ANKFN1: variants seen among roughly 807,000 people sequenced by gnomAD.
The protein encoded by ANKFN1 is ankyrin repeat and fibronectin type-III domain-containing protein 1.
ANKFN1 carries 74 observed loss-of-function variants against 108.7 expected under a neutral mutation model. That is an observed-to-expected ratio of 0.68 (90% CI 0.56 to 0.83). The LOEUF (loss-of-function observed/expected upper bound fraction) is 0.83, where lower values mean the gene tolerates loss of function less well. ANKFN1 is among the 40% of genes least tolerant of loss of function. The pLI, the probability that ANKFN1 is intolerant of heterozygous loss-of-function variation, is 0.00. For synonymous variants in ANKFN1, 547 were observed against 516.2 expected, an observed-to-expected ratio of 1.06 and a Z score of -0.81; for missense variants, 1,505 against 1,382.3, an observed-to-expected ratio of 1.09 and a Z score of -1.41.
At position 56,488,944 on chromosome 17, in the gene ANKFN1, C is replaced by T. The variant is rs190016302; in HGVS notation, c.2261-3243C>T. ...CATTTATTTTGTATCAGGTATGTGC[C>T]ATATGCTGTGCTGGGCACTTTATAT... On this transcript the variant is annotated intron_variant, in intron 18 of 20. Coordinates refer to ENST00000682825, the MANE Select transcript of ANKFN1 (RefSeq NM_001370326.1). 2.0e-3 allele frequency among the ~76,000 whole-genome samples: 309 copies of T among 152,304 alleles called. 1 individual carries two copies. Among genetic ancestry groups the T allele is most frequent in the African/African-American group, 6.8e-3 (283 of 41,562 alleles).
chr17:56,167,983 A>G (rs994904686), intron 1 of ANKFN1, among the ~76,000 whole-genome samples: 4 of 152,266 alleles, frequency 2.6e-5, no homozygotes, highest in African/African-American at 9.6e-5. Flanking sequence ...TGTCTGATGA[A>G]TAGGCAGGCG....
rs568079934 is a variant in ANKFN1, at chr17:56,492,357, ATTGT to A, written c.2427+10_2427+13del. ...GCAAGTTTTAGATTTCATTCAGGTA[ATTGT>A]TTGTTCCTTCTGGGGTAAAAGGAAG... On this transcript the variant is annotated splice_donor_5th_base_variant and intron_variant, in intron 19 of 20. Coordinates refer to ENST00000682825, the MANE Select transcript of ANKFN1 (RefSeq NM_001370326.1). The A allele has an allele frequency of 2.2e-4, 155 of 701,604 alleles. No individual in the cohort carries two copies. Among genetic ancestry groups the A allele is most frequent in the Non-Finnish European group, 3.5e-4 (135 of 383,938 alleles). 43.5% of individuals were successfully genotyped at this position (701,604 alleles called of 1,614,324 possible).
chr17:56,331,494 T>C (rs1412633206), intron 4 of ANKFN1, among the ~76,000 whole-genome samples: 2 of 152,010 alleles, frequency 1.3e-5, no homozygotes. Flanking sequence ...AAACATGAAC[T>C]CTGGAGGTGC....
At chr17:56,385,879 T>C (rs2047250987) in intron 8 of ANKFN1, among the ~76,000 whole-genome samples, 1 of 152,038 alleles carries the variant, frequency 6.6e-6, no homozygotes, top group Admixed American at 6.5e-5. Context: ...GGTGGGACTG[T>C]AAACTAGTTC....
chr17:56,288,782 A>G (rs1182060413), intron 3 of ANKFN1, among the ~76,000 whole-genome samples: 1 of 152,098 alleles, frequency 6.6e-6, no homozygotes, highest in Non-Finnish European at 1.5e-5. Context: ...CTACCACACC[A>G]TGGTTTATGA....
intron 4 of ANKFN1, among the ~76,000 whole-genome samples, chr17:56,338,314 C>T (rs1379428314): frequency 2.0e-5 from 3 of 151,904 alleles, no homozygotes; most frequent in Non-Finnish European, 4.4e-5. Context: ...GGGTGGGGAG[C>T]TGGGGGAGGG....
At chr17:56,086,899 G>C (rs1479202696) in intron 4 of ANKFN1, among the ~76,000 whole-genome samples, 1 of 151,334 alleles carries the variant, frequency 6.6e-6, no homozygotes, top group Non-Finnish European at 1.5e-5. Flanking sequence ...TAGGAATTTA[G>C]CATGAATTAT....
chr17:56,365,627 A>G (rs2046640788), intron 6 of ANKFN1, among the ~76,000 whole-genome samples: 1 of 152,216 alleles, frequency 6.6e-6, no homozygotes, highest in African/African-American at 2.4e-5. Context: ...TCACATGCAC[A>G]TAACATTTCA....
chr17:56,141,159 T>G (rs1312852237), intron 4 of ANKFN1, among the ~76,000 whole-genome samples: 1 of 152,198 alleles, frequency 6.6e-6, no homozygotes, highest in Non-Finnish European at 1.5e-5. Context: ...TCCACCTCTC[T>G]TGTTAGCCAT....
chr17:56,382,314 G>A (rs746659821), intron 8 of ANKFN1, among the ~76,000 whole-genome samples: 207 of 152,236 alleles, frequency 1.4e-3, no homozygotes, highest in Non-Finnish European at 2.2e-3. Context: ...TGCCCTAAAA[G>A]AGCTCCTGAA....
At chr17:56,078,575 G>T (rs1252409743) in intron 4 of ANKFN1, among the ~76,000 whole-genome samples, 2 of 152,168 alleles carry the variant, frequency 1.3e-5, no homozygotes, top group East Asian at 1.9e-4. Context: ...ATGTCAGATT[G>T]CTGGGTAATT....
At chr17:56,188,514 T>C in intron 1 of ANKFN1, among the ~76,000 whole-genome samples, 1 of 145,876 alleles carries the variant, frequency 6.9e-6, no homozygotes, top group South Asian at 2.1e-4. Context: ...ATGCATTTCT[T>C]ATTATATATA....
intron 3 of ANKFN1, among the ~76,000 whole-genome samples, chr17:56,271,432 A>G (rs2043791532): frequency 6.6e-6 from 1 of 152,146 alleles, no homozygotes; most frequent in African/African-American, 2.4e-5. Flanking sequence ...TCAATATTTA[A>G]ATGAGTGTGT....
intron 14 of ANKFN1, among the ~76,000 whole-genome samples, chr17:56,459,211 A>G (rs2049820395): frequency 6.6e-6 from 1 of 152,060 alleles, no homozygotes; most frequent in East Asian, 1.9e-4. Context: ...CCTGGGTTGA[A>G]GCAATTCTCC....
At chr17:56,432,763 C>T (rs2048800949) in intron 8 of ANKFN1, among the ~76,000 whole-genome samples, 1 of 152,234 alleles carries the variant, frequency 6.6e-6, no homozygotes, top group Non-Finnish European at 1.5e-5. Flanking sequence ...CCCAGATTCC[C>T]TCACTGTGCC....
chr17:56,435,279 T>C (rs919089503), intron 8 of ANKFN1, among the ~76,000 whole-genome samples: 1 of 152,218 alleles, frequency 6.6e-6, no homozygotes, highest in Admixed American at 6.5e-5. Context: ...CTAGGTGCTA[T>C]GATAGGTGCT....
intron 3 of ANKFN1, among the ~76,000 whole-genome samples, chr17:56,290,943 T>G (rs1354116195): frequency 1.3e-5 from 2 of 152,164 alleles, no homozygotes; most frequent in African/African-American, 2.4e-5. Flanking sequence ...CATGAGGGAC[T>G]GGAATGCTTA....
chr17:56,199,807 C>G (rs1322394172), intron 1 of ANKFN1, among the ~76,000 whole-genome samples: 1 of 152,140 alleles, frequency 6.6e-6, no homozygotes, highest in Non-Finnish European at 1.5e-5. Context: ...CACATTTATA[C>G]TAAAAACCTA....
chr17:56,426,692 T>C (rs1030395819), intron 8 of ANKFN1, among the ~76,000 whole-genome samples: 5 of 152,254 alleles, frequency 3.3e-5, no homozygotes, highest in African/African-American at 1.2e-4. Context: ...TATGTTGAGA[T>C]GTTTAACCTT....
Sources: gnomAD v4.1 joint callset for allele counts (sites outside exome capture counted in the v4.1 genomes callset) on GRCh38, gnomAD v4.1.1 for gene constraint, MANE v1.5 for transcripts, NCBI Gene and HGNC (gene_info 2026-07-23, HGNC 2026-07-21) for gene names.